MACROD2: variants seen among roughly 807,000 people sequenced by gnomAD.
MACROD2 encodes the protein mono-ADP ribosylhydrolase 2.
A neutral mutation model predicts 70.4 loss-of-function variants in MACROD2; 36 were observed. The observed-to-expected ratio is 0.51, with a 90% CI of 0.39 to 0.68. The LOEUF (loss-of-function observed/expected upper bound fraction) is 0.68, where lower values mean the gene tolerates loss of function less well. Ranked by LOEUF, MACROD2 falls within the 30% of genes least tolerant of loss-of-function variation. MACROD2 has a pLI of 0.00. For synonymous variants in MACROD2, 172 were observed against 178.8 expected (o/e 0.96, Z 0.30); for missense variants, 496 against 538.4 (o/e 0.92, Z 0.78).
At chr20:15,079,641 C>G (rs1252931976) in intron 5 of MACROD2, among the ~76,000 whole-genome samples, 5 of 152,022 alleles carry the variant, frequency 3.3e-5, no homozygotes, top group Admixed American at 3.3e-4. Flanking sequence ...ATGATCTCTC[C>G]AGAACACACA....
intron 5 of MACROD2, among the ~76,000 whole-genome samples, chr20:15,194,245 CAAAAAAA>C (rs71190180): frequency 6.0e-5 from 3 of 49,846 alleles, no homozygotes; most frequent in African/African-American, 2.7e-4. Context: ...CACTCTGTCT[CAAAAAAA>C]AAAAAAAAAA....
intron 8 of MACROD2, among the ~76,000 whole-genome samples, chr20:15,728,865 T>C (rs189503981): frequency 6.6e-6 from 1 of 152,248 alleles, no homozygotes; most frequent in Admixed American, 6.5e-5. Flanking sequence ...TTCTATGTTT[T>C]TTTGTATCTT....
At chr20:15,224,824 A>G (rs181717807) in intron 5 of MACROD2, among the ~76,000 whole-genome samples, 262 of 151,834 alleles carry the variant, frequency 1.7e-3, no homozygotes, top group South Asian at 0.017. Context: ...GCTTGGTGTG[A>G]TGGTGCATGC....
chr20:15,412,459 A>G (rs1179927396), intron 6 of MACROD2, among the ~76,000 whole-genome samples: 1 of 152,208 alleles, frequency 6.6e-6, no homozygotes, highest in African/African-American at 2.4e-5. Flanking sequence ...ATAGAGGTTA[A>G]CTAAACAAAG....
chr20:15,292,444 T>C (rs2077549076), intron 6 of MACROD2, among the ~76,000 whole-genome samples: 1 of 152,194 alleles, frequency 6.6e-6, no homozygotes, highest in South Asian at 2.1e-4. Flanking sequence ...GTATTAGCTT[T>C]TGCAATGCTT....
chr20:14,365,686 T>C (rs2083265274), intron 3 of MACROD2, among the ~76,000 whole-genome samples: 1 of 152,152 alleles, frequency 6.6e-6, no homozygotes, highest in South Asian at 2.1e-4. Flanking sequence ...TTCTAGTTCC[T>C]TAAAGTGTAA....
chr20:14,975,427 G>A (rs1235661006), intron 5 of MACROD2, among the ~76,000 whole-genome samples: 1 of 152,136 alleles, frequency 6.6e-6, no homozygotes, highest in Non-Finnish European at 1.5e-5. Context: ...GCGGGCAGGT[G>A]GGAAAGCAGG....
intron 7 of MACROD2, among the ~76,000 whole-genome samples, chr20:15,465,995 G>T (rs1300278714): frequency 6.6e-6 from 1 of 152,162 alleles, no homozygotes; most frequent in African/African-American, 2.4e-5. Context: ...CCCTAGTGAA[G>T]GGAAAGTAAA....
intron 15 of MACROD2, among the ~76,000 whole-genome samples, chr20:16,031,173 A>C (rs1271467387): frequency 2.0e-5 from 3 of 152,146 alleles, no homozygotes; most frequent in African/African-American, 4.8e-5. Context: ...TGGAAAAAAA[A>C]CAATCAAATA....
At chr20:15,585,583 ACT>A (rs1483942527) in intron 8 of MACROD2, among the ~76,000 whole-genome samples, 1 of 151,528 alleles carries the variant, frequency 6.6e-6, no homozygotes, top group Non-Finnish European at 1.5e-5. Flanking sequence ...TCATCCAGTG[ACT>A]CTCTGAATAT....
intron 2 of MACROD2, among the ~76,000 whole-genome samples, chr20:14,069,568 A>G (rs1052827846): frequency 6.6e-5 from 10 of 151,450 alleles, no homozygotes; most frequent in Non-Finnish European, 1.5e-4. Flanking sequence ...TAGTTACTGA[A>G]ATGGCATTAA....
chr20:15,145,125 G>T (rs1380152542), intron 5 of MACROD2, among the ~76,000 whole-genome samples: 4 of 152,114 alleles, frequency 2.6e-5, no homozygotes, highest in African/African-American at 9.7e-5. Flanking sequence ...ATACCCCGGG[G>T]TGAAGGCTGA....
chr20:14,764,202 G>T (rs2072054439), intron 5 of MACROD2, among the ~76,000 whole-genome samples: 1 of 152,020 alleles, frequency 6.6e-6, no homozygotes, highest in Non-Finnish European at 1.5e-5. Flanking sequence ...CCCACATTGG[G>T]TCCCATTTCT....
At chr20:14,827,200 C>T (rs959918846) in intron 5 of MACROD2, among the ~76,000 whole-genome samples, 1 of 152,088 alleles carries the variant, frequency 6.6e-6, no homozygotes, top group African/African-American at 2.4e-5. Context: ...ACTCCAACTA[C>T]ATTAAAAAAT....
At chr20:15,772,814 T>C (rs6135500) in intron 8 of MACROD2, among the ~76,000 whole-genome samples, 85,357 of 151,878 alleles carry the variant, frequency 0.56, 24,936 homozygotes, top group African/African-American at 0.71. Flanking sequence ...AATCAAATAC[T>C]ACCTGTTTCC....
At chr20:14,060,803 G>C (rs1043396780) in intron 2 of MACROD2, among the ~76,000 whole-genome samples, 1 of 152,128 alleles carries the variant, frequency 6.6e-6, no homozygotes. Context: ...GAGCTTTTCT[G>C]TATTTTGGCC....
chr20:14,375,045 ATAT>A (rs2122757702), intron 3 of MACROD2, among the ~76,000 whole-genome samples: 1 of 152,266 alleles, frequency 6.6e-6, no homozygotes, highest in South Asian at 2.1e-4. Flanking sequence ...CATGGGTTGT[ATAT>A]TCACTTTTTT....
intron 4 of MACROD2, among the ~76,000 whole-genome samples, chr20:14,634,578 A>G (rs888421711): frequency 8.5e-6 from 1 of 117,146 alleles, no homozygotes; most frequent in African/African-American, 3.3e-5. Context: ...ATTTTCCTAT[A>G]TGGTCCTGTC....
intron 16 of MACROD2, among the ~76,000 whole-genome samples, 166 bp from the exon 17 acceptor site, chr20:16,044,405 A>C (rs1464816003): frequency 2.0e-5 from 3 of 152,128 alleles, no homozygotes; most frequent in African/African-American, 7.2e-5. Context: ...TACCCCCACC[A>C]GTAAAAATCT....
Sources: allele counts gnomAD v4.1 joint callset (sites outside exome capture counted in the v4.1 genomes callset), GRCh38; gene constraint gnomAD v4.1.1; transcripts MANE v1.5; gene names NCBI Gene and HGNC (gene_info 2026-07-23, HGNC 2026-07-21).